Variants in NKAIN2 observed in about 807,000 individuals in gnomAD.
NKAIN2 encodes the protein sodium/potassium transporting ATPase interacting 2.
Under a neutral mutation model 32.6 loss-of-function variants are expected in NKAIN2, and 14 were observed. The observed-to-expected ratio is 0.43, with a 90% CI of 0.28 to 0.67. The LOEUF is 0.67. NKAIN2 is among the 30% of genes least tolerant of loss of function. NKAIN2 has a pLI of 0.17. For synonymous variants in NKAIN2, 80 were observed against 87.2 expected (o/e 0.92, Z 0.46); for missense variants, 198 against 258.3 (o/e 0.77, Z 1.60).
At position 124,363,965 on chromosome 6, in the gene NKAIN2, T is replaced by C. The variant is rs184999567; in HGVS notation, c.273+8618T>C. On this transcript the variant is annotated intron_variant, in intron 3 of 6. Coordinates refer to ENST00000368417, the MANE Select transcript of NKAIN2 (RefSeq NM_001040214.3). Reference sequence around the variant, plus strand: ...AGATATTTTAATTATCTGGTAAAGATTTTTAAAAACACATAAACAATATAT... The same window carrying C: ...AGATATTTTAATTATCTGGTAAAGACTTTTAAAAACACATAAACAATATAT... Among the ~76,000 whole-genome samples, 500 of 152,140 alleles carry C rather than the reference T, an allele frequency of 3.3e-3. 6 individuals are homozygous for C. Among genetic ancestry groups the C allele is most frequent in the Middle Eastern group, 0.031 (9 of 290 alleles).
intron 1 of NKAIN2, among the ~76,000 whole-genome samples, chr6:124,263,702 A>ATGTTTGTT (rs377493781): frequency 2.7e-5 from 3 of 110,422 alleles, no homozygotes; most frequent in Admixed American, 1.9e-4. Context: ...GCTACTATAA[A>ATGTTTGTT]TGTTTGTTTG....
In NKAIN2 at chr6:124,509,314, ACT is replaced by A. The variant is rs1778618117; in HGVS notation, c.274-148869_274-148868del. ...GGATGAAGGAAAGAATTCATAATTA[ACT>A]CTGCAAAGTTTATGATCCTAGAGAA... On this transcript the variant is annotated intron_variant, in intron 3 of 6. Transcript: ENST00000368417. 2.0e-5 allele frequency among the ~76,000 whole-genome samples: 3 copies of A among 152,198 alleles called. No individual in the cohort carries two copies. The South Asian group carries it at 6.2e-4, about 32-fold the overall frequency.
intron 3 of NKAIN2, among the ~76,000 whole-genome samples, chr6:124,617,586 T>G (rs544956628): frequency 1.3e-3 from 196 of 152,328 alleles, no homozygotes; most frequent in African/African-American, 4.4e-3. Flanking sequence ...TGGTATTTCC[T>G]AGGCATACAT....
chr6:124,734,847 T>C (rs1397156568), intron 4 of NKAIN2, among the ~76,000 whole-genome samples: 4 of 151,900 alleles, frequency 2.6e-5, no homozygotes, highest in African/African-American at 9.7e-5. Flanking sequence ...AAAATCATAA[T>C]AATGTACTTT....
rs76557257 is a variant in NKAIN2 at position 124,386,153 on chromosome 6, C to T, written c.273+30806C>T. The stretch of plus-strand genomic sequence containing the variant: ...GTAAGATGGATGCCTAATGATTTCC[C>T]GTTGGAAATCTTGCAAAATTGGCCT... On this transcript the variant is annotated intron_variant, in intron 3 of 6. Transcript: ENST00000368417. 9.5e-3 allele frequency among the ~76,000 whole-genome samples: 1,448 copies of T among 152,094 alleles called. 23 individuals are homozygous for T. The highest frequency in any genetic ancestry group is 0.033 in the African/African-American group (1,377 of 41,492).
chr6:124,125,369 C>T (rs1372558374), intron 1 of NKAIN2, among the ~76,000 whole-genome samples: 3 of 152,108 alleles, frequency 2.0e-5, no homozygotes, highest in South Asian at 4.2e-4. Flanking sequence ...TCTTTATTCT[C>T]TTCTATAAAT....
Position 124,224,104 on chromosome 6 carries a change from G to A in NKAIN2, c.55-58901G>A, listed in dbSNP as rs181079794. 7.9e-5 allele frequency among the ~76,000 whole-genome samples: 12 copies of A among 152,214 alleles called. 1 individual carries two copies. The East Asian group carries it at 2.3e-3, about 29-fold the overall frequency. ...AACTGATACTTCTGTGTATGGGGGGGATGTGTGCATAGACATATGTACATG... is the reference window on the plus strand; with the variant it reads ...AACTGATACTTCTGTGTATGGGGGGAATGTGTGCATAGACATATGTACATG... On this transcript the variant is annotated intron_variant, in intron 1 of 6. Coordinates refer to ENST00000368417, the MANE Select transcript of NKAIN2 (RefSeq NM_001040214.3).
intron 3 of NKAIN2, among the ~76,000 whole-genome samples, chr6:124,391,444 C>A (rs1773138253): frequency 6.6e-6 from 1 of 152,078 alleles, no homozygotes; most frequent in Non-Finnish European, 1.5e-5. Flanking sequence ...GGGCCTGACA[C>A]AGAGTAGCTG....
At chr6:124,692,645 T>C (rs1351787321) in intron 4 of NKAIN2, among the ~76,000 whole-genome samples, 1 of 151,878 alleles carries the variant, frequency 6.6e-6, no homozygotes, top group East Asian at 1.9e-4. Flanking sequence ...TGAAACCCTG[T>C]CTCTACTAAA....
intron 6 of NKAIN2, chr6:124,819,232 T>C (rs1404083171): frequency 4.8e-5 from 16 of 334,014 alleles, no homozygotes; most frequent in Non-Finnish European, 6.4e-5. Context: ...GTGTTTGTTG[T>C]CGTTGTCCTC....
intron 3 of NKAIN2, among the ~76,000 whole-genome samples, chr6:124,389,434 A>G (rs1239420274): frequency 1.3e-5 from 2 of 152,248 alleles, no homozygotes; most frequent in Admixed American, 1.3e-4. Flanking sequence ...TGTGTTAAGC[A>G]TAATGTTGGG....
intron 2 of NKAIN2, among the ~76,000 whole-genome samples, chr6:124,325,035 T>G (rs907389421): frequency 6.6e-6 from 1 of 152,082 alleles, no homozygotes; most frequent in Non-Finnish European, 1.5e-5. Context: ...ATATATAAAT[T>G]TAACAATTTA....
intron 1 of NKAIN2, among the ~76,000 whole-genome samples, chr6:123,814,318 G>A (rs1773602982): frequency 6.6e-6 from 1 of 152,164 alleles, no homozygotes; most frequent in African/African-American, 2.4e-5. Flanking sequence ...TTTATCAAAA[G>A]CGTTCTTGGG....
chr6:124,705,877 T>G (rs1156396684), intron 4 of NKAIN2, among the ~76,000 whole-genome samples: 1 of 152,046 alleles, frequency 6.6e-6, no homozygotes, highest in Non-Finnish European at 1.5e-5. Context: ...AGAAGTAGCA[T>G]GAAGAGCTCT....
chr6:124,061,174 T>C (rs1782904010), intron 1 of NKAIN2, among the ~76,000 whole-genome samples: 1 of 152,114 alleles, frequency 6.6e-6, no homozygotes, highest in African/African-American at 2.4e-5. Flanking sequence ...GTTTTGGATA[T>C]TGTAAAAGCA....
At chr6:124,030,133 A>G (rs980361967) in intron 1 of NKAIN2, among the ~76,000 whole-genome samples, 3 of 152,100 alleles carry the variant, frequency 2.0e-5, no homozygotes, top group East Asian at 1.9e-4. Context: ...TCACCCCCAT[A>G]TGGGACTGTC....
chr6:124,694,846 GCA>G (rs932749672), intron 4 of NKAIN2, among the ~76,000 whole-genome samples: 5 of 152,074 alleles, frequency 3.3e-5, no homozygotes, highest in South Asian at 4.1e-4. Context: ...GACTATATTT[GCA>G]CAGTCAGCTA....
At chr6:123,859,937 C>T (rs1037736583) in intron 1 of NKAIN2, among the ~76,000 whole-genome samples, 8 of 152,130 alleles carry the variant, frequency 5.3e-5, no homozygotes, top group African/African-American at 1.4e-4. Flanking sequence ...GTGATCCACC[C>T]GCCTCAGCCT....
Position 124,447,805 on chromosome 6 carries a change from G to T in NKAIN2, c.273+92458G>T, listed in dbSNP as rs371071189. 3.9e-5 allele frequency among the ~76,000 whole-genome samples: 6 copies of T among 152,184 alleles called. No homozygotes were observed. In the East Asian group the frequency reaches 1.2e-3, roughly 30 times the overall value. On this transcript the variant is annotated intron_variant, in intron 3 of 6. Transcript: ENST00000368417. ...TTTAAATGCTGGTGAGTTTGTGGAGGTGCAACTGAAACTCATTCTCTCCAC... is the reference window on the plus strand; with the variant it reads ...TTTAAATGCTGGTGAGTTTGTGGAGTTGCAACTGAAACTCATTCTCTCCAC...
Sources: allele counts gnomAD v4.1 joint callset (sites outside exome capture counted in the v4.1 genomes callset), GRCh38; gene constraint gnomAD v4.1.1; transcripts MANE v1.5; gene names NCBI Gene and HGNC (gene_info 2026-07-23, HGNC 2026-07-21).